Variants in UPF2 observed in about 807,000 individuals in gnomAD.
UPF2 encodes the protein regulator of nonsense transcripts 2.
Under a neutral mutation model 141.4 loss-of-function variants are expected in UPF2, and 17 were observed. The ratio of observed to expected loss-of-function variants is 0.12; its 90% CI spans 0.08 to 0.18. The LOEUF (loss-of-function observed/expected upper bound fraction) is 0.18. Among genes scored for constraint, UPF2 ranks in the 10% least tolerant of loss-of-function variants. The pLI is 1.00. For missense variants in UPF2, 1,152 were observed against 1,515.9 expected, an observed-to-expected ratio of 0.76 and a Z score of 3.99; for synonymous variants, 540 against 498.0, an observed-to-expected ratio of 1.08 and a Z score of -1.12.
intron 16 of UPF2, among the ~76,000 whole-genome samples, chr10:11,947,058 TG>T (rs1407754694): frequency 1.3e-5 from 2 of 152,192 alleles, no homozygotes; most frequent in Non-Finnish European, 1.5e-5. Flanking sequence ...AAAAATTAGC[TG>T]GGCATGGTGG....
chr10:11,967,457 A>G lies in UPF2; in HGVS notation c.1954-3T>C. On this transcript the variant is annotated splice_region_variant and splice_polypyrimidine_tract_variant and intron_variant, in intron 9 of 21. Coordinates refer to ENST00000357604, the MANE Select transcript of UPF2 (RefSeq NM_015542.4). ...TTGATCTGGTCCTTTTTCCGTACCT[A>G]AAAATTAAGAGAGAAAAGATAATGC... 6.6e-7 allele frequency: 1 copy of G among 1,520,120 alleles called. No individual in the cohort carries two copies. The highest frequency in any genetic ancestry group is 8.9e-7 in the Non-Finnish European group (1 of 1,122,270). 94.2% of individuals were successfully genotyped at this position (1,520,120 alleles called of 1,614,324 possible).
chr10:12,039,310 G>A (rs1485985244), intron 1 of UPF2, among the ~76,000 whole-genome samples: 2 of 152,142 alleles, frequency 1.3e-5, no homozygotes, highest in African/African-American at 4.8e-5. Context: ...TGAGATGGGA[G>A]ACATGCTGGT....
At chr10:12,006,291 C>T (rs1231165147) in intron 4 of UPF2, among the ~76,000 whole-genome samples, 3 of 152,196 alleles carry the variant, frequency 2.0e-5, no homozygotes, top group African/African-American at 7.2e-5. Context: ...TACCTATTTA[C>T]ACACATGCAG....
chr10:11,959,205 A>G lies in UPF2; in HGVS notation c.2336T>C (p.Leu779Ser), dbSNP rs1223751309. The change falls in exon 12 of 22, where the codon TTG (leucine) becomes TCG (serine). Residue 779 changes from leucine to serine, a missense_variant. Around this residue, in one of 4 missense-constraint regions of UPF2, gnomAD observed 739 missense variants for 1,032.2 expected, o/e 0.72. Transcript: ENST00000357604. The surrounding 1 kb of genome is among the most constrained non-coding windows in gnomAD (Gnocchi z 5.9). ...PPLQEYVRKL[L>S]YKDLSKVTTE... The stretch of plus-strand genomic sequence containing the variant: ...GGTAACCTTAGAGAGATCCTTGTAC[A>G]AAAGTTTCCGGACATATTCCTGGAG... 6.2e-7 allele frequency: 1 copy of G among 1,608,466 alleles called. No homozygotes were observed. The highest frequency in any genetic ancestry group is 1.3e-5 in the African/African-American group (1 of 74,410).
chr10:11,934,475 C>G (rs190930661), intron 19 of UPF2, among the ~76,000 whole-genome samples: 2 of 152,314 alleles, frequency 1.3e-5, no homozygotes, highest in Admixed American at 6.5e-5. Context: ...CAAGGCCGGA[C>G]GATGGCAGTG....
intron 8 of UPF2, among the ~76,000 whole-genome samples, chr10:11,981,254 T>C (rs1428154954): frequency 3.9e-5 from 6 of 152,146 alleles, no homozygotes; most frequent in Non-Finnish European, 5.9e-5. Flanking sequence ...CTCAAAAACA[T>C]GGTACTCCTC....
At chr10:11,984,301 A>G (rs1833649740) in intron 8 of UPF2, among the ~76,000 whole-genome samples, 1 of 152,190 alleles carries the variant, frequency 6.6e-6, no homozygotes, top group Admixed American at 6.5e-5. Flanking sequence ...GAAAATGTGT[A>G]TATTTTTCAA....
chr10:12,032,489 T>C (rs1834543093), intron 2 of UPF2, among the ~76,000 whole-genome samples: 1 of 152,030 alleles, frequency 6.6e-6, no homozygotes, highest in Non-Finnish European at 1.5e-5. Context: ...CACTATACTA[T>C]TCTATTTTTG....
intron 8 of UPF2, among the ~76,000 whole-genome samples, chr10:11,986,020 G>T (rs1833685544): frequency 6.6e-6 from 1 of 150,764 alleles, no homozygotes; most frequent in African/African-American, 2.4e-5. Flanking sequence ...GAGTAGCTGG[G>T]ACTACAGGCG....
intron 15 of UPF2, among the ~76,000 whole-genome samples, chr10:11,950,193 A>T: frequency 6.6e-6 from 1 of 152,220 alleles, no homozygotes; most frequent in East Asian, 1.9e-4. Flanking sequence ...AATACTATTA[A>T]AAGTTATTTT....
At chr10:11,946,570 A>T (rs1227497914) in intron 16 of UPF2, among the ~76,000 whole-genome samples, 1 of 152,216 alleles carries the variant, frequency 6.6e-6, no homozygotes, top group Non-Finnish European at 1.5e-5. Context: ...TCATACTTCC[A>T]GTGAAAAACT....
rs1396913073 is a variant in UPF2 at position 12,029,230 on chromosome 10, G to A, written c.660C>T (p.Asn220=). 6.2e-7 allele frequency: 1 copy of A among 1,614,190 alleles called. No homozygotes were observed. Among genetic ancestry groups the A allele is most frequent in the South Asian group, 1.1e-5 (1 of 91,086 alleles). ...AGAGAGAGCAGAGGTGCACAGCACA[G>A]TTCACATCAGAGATTTTTAGTTTTG... ...VEAKLKISDV[N]CAVHLCSLFH... The change falls in exon 3 of 22, where the codon AAC becomes AAT. Residue 220 remains asparagine, a synonymous_variant. Transcript: ENST00000357604.
chr10:12,008,687 A>AT (rs942347359), intron 4 of UPF2, among the ~76,000 whole-genome samples: 15 of 146,718 alleles, frequency 1.0e-4, no homozygotes, highest in Admixed American at 1.4e-4. Context: ...TGGCATGTAA[A>AT]TTTTTTTTTT....
Position 12,028,754 on chromosome 10 carries a change from C to T in UPF2, c.1136G>A (p.Arg379Lys), listed in dbSNP as rs768324632. The T allele has an allele frequency of 1.3e-6, 2 of 1,575,596 alleles. No individual in the cohort carries two copies. Among genetic ancestry groups the T allele is most frequent in the African/African-American group, 1.4e-5 (1 of 72,848 alleles). ...RDHRELQNTERQNRRILHSKG... is the reference protein window; with the variant it reads ...RDHRELQNTEKQNRRILHSKG... ...AACATTTGAAAATCACCTGTTTTGT[C>T]TCTCAGTATTCTGGAGCTCCCTGTG... The change falls in exon 3 of 22, where the codon AGA (arginine) becomes AAA (lysine). Residue 379 changes from arginine (R) to lysine (K), a missense_variant. Arg to Lys is a conservative substitution (Grantham distance 26). This residue lies in a region of UPF2 where 739 missense variants were observed against 1,032.2 expected (regional missense o/e 0.72). Coordinates refer to ENST00000357604, the MANE Select transcript of UPF2 (RefSeq NM_015542.4).
rs1231741785 is a variant in UPF2 at position 11,998,385 on chromosome 10, G to A, written c.1759-628C>T. The stretch of plus-strand genomic sequence containing the variant: ...TTTATCTAGATGACCATTACCACCT[G>A]GACAGACTTTTTTCTGAGACAAGGT... On this transcript the variant is annotated intron_variant, in intron 7 of 21. Coordinates refer to ENST00000357604, the MANE Select transcript of UPF2 (RefSeq NM_015542.4). This position sits in a 1 kb window ranked among gnomAD's most constrained non-coding sequence, Gnocchi z 4.5. 5.9e-5 allele frequency among the ~76,000 whole-genome samples: 9 copies of A among 152,112 alleles called. No homozygotes were observed. The highest frequency in any genetic ancestry group is 4.6e-4 in the Admixed American group (7 of 15,270).
At chr10:12,008,098 G>A (rs1480998422) in intron 4 of UPF2, among the ~76,000 whole-genome samples, 1 of 151,652 alleles carries the variant, frequency 6.6e-6, no homozygotes, top group Non-Finnish European at 1.5e-5. Flanking sequence ...GGCCAGGCTG[G>A]TCTAGAACTC....
chr10:11,938,853 G>GTTTTTTTGTTTTTTTGTTTT (rs1832890068), intron 18 of UPF2, among the ~76,000 whole-genome samples: 1 of 79,816 alleles, frequency 1.3e-5, no homozygotes, highest in African/African-American at 5.0e-5. Context: ...TTTTTTTTTT[G>GTTTTTTTGTTTTTTTGTTTT]TTTTTTTTTT....
Position 11,997,544 on chromosome 10 carries a change from T to C in UPF2, c.1844+128A>G, listed in dbSNP as rs950655994. ...GGGAAACAAGTTCTAAAAAATATGCTAATAATGCTAATGACCTACAGAGTG... is the reference window on the plus strand; with the variant it reads ...GGGAAACAAGTTCTAAAAAATATGCCAATAATGCTAATGACCTACAGAGTG... On this transcript the variant is annotated intron_variant, in intron 8 of 21. Transcript: ENST00000357604. 6 of 684,442 alleles carry C rather than the reference T, an allele frequency of 8.8e-6. No homozygotes were observed. The African/African-American group carries it at 1.1e-4, about 12-fold the overall frequency. 42.4% of individuals were successfully genotyped at this position (684,442 alleles called of 1,614,324 possible).
chr10:11,975,633 T>C (rs554139209), intron 9 of UPF2, among the ~76,000 whole-genome samples: 480 of 151,922 alleles, frequency 3.2e-3, no homozygotes, highest in Non-Finnish European at 5.4e-3. Flanking sequence ...CTCAGCCTCC[T>C]GAGTAGCTGG....
Sources: gnomAD v4.1 joint callset for allele counts (sites outside exome capture counted in the v4.1 genomes callset) on GRCh38, gnomAD v4.1.1 for gene constraint, gnomAD v4.1.1 regional missense constraint, Gnocchi (gnomAD v3.1) non-coding constraint, MANE v1.5 for transcripts, NCBI Gene and HGNC (gene_info 2026-07-23, HGNC 2026-07-21) for gene names.